The following CMBL variants were observed in gnomAD, a reference collection of about 807,000 sequenced individuals.
The protein encoded by CMBL is carboxymethylenebutenolidase homolog, also known as carboxymethylenebutenolidase homolog (Pseudomonas).
In CMBL, 17 loss-of-function variants were observed where a neutral mutation model predicts 28.7. The ratio of observed to expected loss-of-function variants is 0.59; its 90% confidence interval spans 0.41 to 0.89. The LOEUF (loss-of-function observed/expected upper bound fraction) is 0.89. CMBL is among the 40% of genes least tolerant of loss of function. The probability of loss-of-function intolerance (pLI) is 0.00; values close to 1 mark genes in which losing one functional copy is unlikely to be tolerated. For synonymous variants in CMBL, 106 were observed against 101.6 expected (o/e 1.04, Z -0.26); for missense variants, 310 against 298.5 (o/e 1.04, Z -0.28).
At chr5:10,287,251 A>G (rs897932004) in intron 3 of CMBL, among the ~76,000 whole-genome samples, 4 of 152,248 alleles carry the variant, frequency 2.6e-5, no homozygotes, top group African/African-American at 9.6e-5. Flanking sequence ...CCATTGACCA[A>G]TGAGTGGATA....
At chr5:10,303,221 A>T (rs1746942356) in intron 1 of CMBL, among the ~76,000 whole-genome samples, 1 of 152,152 alleles carries the variant, frequency 6.6e-6, no homozygotes. Context: ...CCACCTTTCC[A>T]GACTGAACCA....
chr5:10,303,528 G>A (rs1746947045), intron 1 of CMBL, among the ~76,000 whole-genome samples: 1 of 152,126 alleles, frequency 6.6e-6, no homozygotes, highest in Non-Finnish European at 1.5e-5. Context: ...TTGAACGACA[G>A]GAAAAAACTA....
In CMBL at chr5:10,282,196, C is replaced by T. The variant is rs779820527; in HGVS notation, c.558+1G>A. 27 of 1,595,740 alleles carry T rather than the reference C, an allele frequency of 1.7e-5. No individual in the cohort carries two copies. The highest frequency in any genetic ancestry group is 2.1e-5 in the Non-Finnish European group (25 of 1,163,546). On this transcript the variant is annotated splice_donor_variant, in intron 5 of 5. Transcript: ENST00000296658. LOFTEE classifies it high-confidence loss of function. Reference sequence around the variant, plus strand: ...TACGAAGAGAAAAGATGCCAACTTACGTCCTTGAGTGGAATCACAACATCA... The same window carrying T: ...TACGAAGAGAAAAGATGCCAACTTATGTCCTTGAGTGGAATCACAACATCA...
intron 1 of CMBL, among the ~76,000 whole-genome samples, chr5:10,294,051 G>A (rs991349711): frequency 1.3e-5 from 2 of 152,132 alleles, no homozygotes; most frequent in African/African-American, 2.4e-5. Flanking sequence ...GAGGAAGAGC[G>A]GTTGAGACAG....
At chr5:10,297,195 A>AAG (rs543292035) in intron 1 of CMBL, among the ~76,000 whole-genome samples, 3 of 135,400 alleles carry the variant, frequency 2.2e-5, no homozygotes, top group Admixed American at 1.6e-4. Context: ...AAAAAAAAAA[A>AAG]AGAGAGAGAG....
chr5:10,289,626 C>T lies in CMBL; in HGVS notation c.215+922G>A, dbSNP rs1208682421. Among the ~76,000 whole-genome samples, 3 of 152,200 alleles carry T rather than the reference C, an allele frequency of 2.0e-5. No individual in the cohort carries two copies. The highest frequency in any genetic ancestry group is 2.9e-5 in the Non-Finnish European group (2 of 68,026). ...GAGCCCAGTCATGCCCTCAGCACTG[C>T]GTCTGGCTGAGCAACTGAAACTAGC... On this transcript the variant is annotated intron_variant, in intron 2 of 5. Transcript: ENST00000296658. The surrounding 1 kb of genome is among the most constrained non-coding windows in gnomAD (Gnocchi z 4.3).
chr5:10,293,011 A>G (rs1023716230), intron 1 of CMBL, among the ~76,000 whole-genome samples: 2 of 152,214 alleles, frequency 1.3e-5, no homozygotes, highest in African/African-American at 4.8e-5. Context: ...CAAATGCTAT[A>G]CAAATACAAC....
intron 1 of CMBL, among the ~76,000 whole-genome samples, chr5:10,306,433 A>C (rs1747002227): frequency 6.6e-6 from 1 of 151,982 alleles, no homozygotes; most frequent in Non-Finnish European, 1.5e-5. Flanking sequence ...GAAGGCCAGG[A>C]GGGAGGGAGG....
At chr5:10,304,847 A>G (rs1298950922) in intron 1 of CMBL, among the ~76,000 whole-genome samples, 1 of 152,002 alleles carries the variant, frequency 6.6e-6, no homozygotes, top group African/African-American at 2.4e-5. Context: ...GAATTTACAG[A>G]TCTATCAGAT....
intron 1 of CMBL, among the ~76,000 whole-genome samples, chr5:10,296,116 T>A (rs192150007): frequency 9.8e-5 from 15 of 152,298 alleles, no homozygotes; most frequent in African/African-American, 3.6e-4. Flanking sequence ...AAAACACACA[T>A]AAAACCAGGG....
intron 2 of CMBL, 137 bp downstream of exon 2, chr5:10,290,411 G>A: frequency 1.5e-6 from 1 of 688,040 alleles, no homozygotes; most frequent in Admixed American, 2.5e-5. Flanking sequence ...TATCTTCACG[G>A]CAGTGAGATA....
chr5:10,294,750 C>T (rs1387063551), intron 1 of CMBL, among the ~76,000 whole-genome samples: 1 of 152,194 alleles, frequency 6.6e-6, no homozygotes, highest in African/African-American at 2.4e-5. Context: ...ACGGCAGAGC[C>T]ACTCAGTTCT....
chr5:10,285,388 C>T (rs976475503), intron 4 of CMBL, among the ~76,000 whole-genome samples: 2 of 152,012 alleles, frequency 1.3e-5, no homozygotes, highest in African/African-American at 4.8e-5. Context: ...AGGCTGGTCT[C>T]GAACTATTGA....
At chr5:10,294,594 G>A (rs1247428101) in intron 1 of CMBL, among the ~76,000 whole-genome samples, 5 of 152,036 alleles carry the variant, frequency 3.3e-5, no homozygotes, top group Admixed American at 3.3e-4. Flanking sequence ...TGAAGATGCT[G>A]TTTTAAGAAG....
At chr5:10,282,678 G>A (rs971835707) in intron 4 of CMBL, among the ~76,000 whole-genome samples, 11 of 152,012 alleles carry the variant, frequency 7.2e-5, no homozygotes, top group Non-Finnish European at 1.0e-4. Flanking sequence ...AGCTACTTGC[G>A]GGGACTAAGG....
At chr5:10,286,247 T>G in intron 4 of CMBL, 107 bp downstream of exon 4, 1 of 1,130,026 alleles carries the variant, frequency 8.8e-7, no homozygotes, top group Non-Finnish European at 1.3e-6. Context: ...ATGGGCAGTC[T>G]TCACATTATT....
At chr5:10,292,826 C>A (rs74499316) in intron 1 of CMBL, among the ~76,000 whole-genome samples, 980 of 106,668 alleles carry the variant, frequency 9.2e-3, no homozygotes, top group East Asian at 0.039. Context: ...CTCTGTCTCA[C>A]AAAAAAAAAA....
intron 1 of CMBL, among the ~76,000 whole-genome samples, chr5:10,300,987 TAAC>T (rs1228117358): frequency 6.6e-6 from 1 of 151,668 alleles, no homozygotes; most frequent in African/African-American, 2.4e-5. Flanking sequence ...GCTAAATAAA[TAAC>T]AACCAAAAAT....
intron 1 of CMBL, among the ~76,000 whole-genome samples, chr5:10,306,048 T>A (rs1746995700): frequency 1.3e-5 from 2 of 152,246 alleles, no homozygotes; most frequent in Non-Finnish European, 1.5e-5. Context: ...CACTTTTATA[T>A]CTGTATAAAA....
Sources: allele counts gnomAD v4.1 joint callset (sites outside exome capture counted in the v4.1 genomes callset), GRCh38; gene constraint gnomAD v4.1.1; non-coding constraint Gnocchi (gnomAD v3.1); transcripts MANE v1.5; gene names NCBI Gene and HGNC (gene_info 2026-07-23, HGNC 2026-07-21).